CADPS2: variants seen among roughly 807,000 people sequenced by gnomAD.
CADPS2 encodes calcium-dependent secretion activator 2.
Under a neutral mutation model 172.5 loss-of-function variants are expected in CADPS2, and 93 were observed. That is an observed-to-expected ratio of 0.54 (90% CI 0.46 to 0.64). CADPS2 has a LOEUF of 0.64. CADPS2 is among the 30% of genes least tolerant of loss of function. CADPS2 has a pLI of 0.00. For synonymous variants in CADPS2, 546 were observed against 555.2 expected (o/e 0.98, Z 0.23); for missense variants, 1,420 against 1,565.9 (o/e 0.91, Z 1.57).
intron 2 of CADPS2, among the ~76,000 whole-genome samples, chr7:122,688,384 A>G (rs1277168897): frequency 6.6e-6 from 1 of 152,208 alleles, no homozygotes; most frequent in East Asian, 1.9e-4. Context: ...GATCATTGCA[A>G]CAGCCTTCTA....
At chr7:122,721,031 T>C (rs1036253460) in intron 2 of CADPS2, among the ~76,000 whole-genome samples, 5 of 152,062 alleles carry the variant, frequency 3.3e-5, no homozygotes, top group Non-Finnish European at 5.9e-5. Context: ...AATTTCTGTG[T>C]GCATAATATT....
At chr7:122,876,362 A>G (rs1160706185) in intron 1 of CADPS2, among the ~76,000 whole-genome samples, 1 of 152,090 alleles carries the variant, frequency 6.6e-6, no homozygotes, top group Non-Finnish European at 1.5e-5. Context: ...ATCTAATTTT[A>G]TATTTATTTT....
At chr7:122,696,496 TCCA>T (rs1429642395) in intron 2 of CADPS2, among the ~76,000 whole-genome samples, 65 of 2,698 alleles carry the variant, frequency 0.024, no homozygotes, top group African/African-American at 0.032. Context: ...CCTTTAGTCT[TCCA>T]TGACCCCATG....
chr7:122,480,746 G>A (rs1170786780), intron 12 of CADPS2, 106 bp downstream of exon 12: 2 of 713,110 alleles, frequency 2.8e-6, no homozygotes, highest in Non-Finnish European at 4.3e-6. Flanking sequence ...GGTTTGGCTA[G>A]AAAGTAGGGG....
At chr7:122,861,555 ACT>A (rs1563196786) in intron 1 of CADPS2, among the ~76,000 whole-genome samples, 1 of 152,048 alleles carries the variant, frequency 6.6e-6, no homozygotes, top group African/African-American at 2.4e-5. Flanking sequence ...TCTTCTCTTC[ACT>A]CTGTTGTTTC....
intron 2 of CADPS2, among the ~76,000 whole-genome samples, chr7:122,721,700 T>C (rs2090426667): frequency 6.6e-6 from 1 of 152,200 alleles, no homozygotes; most frequent in East Asian, 1.9e-4. Context: ...GAGGCCAACA[T>C]TGTCCTGATA....
At chr7:122,567,138 T>A (rs544031903) in intron 7 of CADPS2, among the ~76,000 whole-genome samples, 15 of 152,240 alleles carry the variant, frequency 9.9e-5, no homozygotes, top group African/African-American at 3.6e-4. Context: ...TAACAGTTAG[T>A]TTTGTTTCTT....
At chr7:122,755,595 T>A (rs1447986735) in intron 1 of CADPS2, among the ~76,000 whole-genome samples, 1 of 151,948 alleles carries the variant, frequency 6.6e-6, no homozygotes, top group Non-Finnish European at 1.5e-5. Context: ...GTACATAAAA[T>A]GAATCCCCAG....
intron 9 of CADPS2, among the ~76,000 whole-genome samples, chr7:122,499,244 A>G (rs73433711): frequency 1.3e-5 from 2 of 152,184 alleles, no homozygotes; most frequent in South Asian, 2.1e-4. Context: ...TAAGTTCTTT[A>G]TAAGATCTCT....
intron 20 of CADPS2, among the ~76,000 whole-genome samples, chr7:122,399,102 T>C (rs2045560402): frequency 6.6e-6 from 1 of 152,154 alleles, no homozygotes; most frequent in African/African-American, 2.4e-5. Flanking sequence ...TATACACCTA[T>C]ACATCTACCT....
intron 1 of CADPS2, among the ~76,000 whole-genome samples, chr7:122,788,643 A>C (rs774400499): frequency 6.6e-5 from 10 of 152,212 alleles, no homozygotes; most frequent in Non-Finnish European, 2.9e-5. Context: ...CATTGTCATA[A>C]GTCAACAATC....
At chr7:122,650,329 G>C (rs2079028180) in intron 3 of CADPS2, among the ~76,000 whole-genome samples, 1 of 152,036 alleles carries the variant, frequency 6.6e-6, no homozygotes, top group Non-Finnish European at 1.5e-5. Flanking sequence ...TATTATGCTT[G>C]AAACAGTACA....
chr7:122,726,633 G>A (rs2091113845), intron 2 of CADPS2, among the ~76,000 whole-genome samples: 1 of 151,918 alleles, frequency 6.6e-6, no homozygotes, highest in Non-Finnish European at 1.5e-5. Context: ...TGACTTAAGA[G>A]TAACATTTGA....
chr7:122,395,897 C>G (rs1211028512), intron 20 of CADPS2, among the ~76,000 whole-genome samples: 2 of 151,852 alleles, frequency 1.3e-5, no homozygotes, highest in Non-Finnish European at 2.9e-5. Flanking sequence ...GCAACCTCTG[C>G]CTCCTGGGTT....
chr7:122,565,881 G>C (rs925248984), intron 7 of CADPS2, among the ~76,000 whole-genome samples: 1 of 152,074 alleles, frequency 6.6e-6, no homozygotes, highest in Non-Finnish European at 1.5e-5. Context: ...AGATTTCTGG[G>C]ACTGATTCAT....
At chr7:122,440,333 G>A (rs2051188146) in intron 16 of CADPS2, 1 of 152,076 alleles carries the variant, frequency 6.6e-6, no homozygotes, top group African/African-American at 2.4e-5. Context: ...TACCCACGAT[G>A]GGATGTTGTT....
At position 122,509,389 on chromosome 7, in the gene CADPS2, C is replaced by T. The variant is rs781293810; in HGVS notation, c.1542+3860G>A. ...TGTCTTGATAGCCTACTGTTGTTTG[C>T]AGAAACTTCAAGTCATGATTCTGAC... On this transcript the variant is annotated intron_variant, in intron 9 of 29. Transcript: ENST00000449022. Among the ~76,000 whole-genome samples, 64 of 152,118 alleles carry T rather than the reference C, an allele frequency of 4.2e-4. 1 individual carries two copies. Among genetic ancestry groups the T allele is most frequent in the Non-Finnish European group, 6.8e-4 (46 of 68,028 alleles).
chr7:122,633,296 T>C (rs1363822360), intron 3 of CADPS2, among the ~76,000 whole-genome samples: 1 of 152,198 alleles, frequency 6.6e-6, no homozygotes. Context: ...TATGATCCGT[T>C]TAATGATACT....
intron 7 of CADPS2, among the ~76,000 whole-genome samples, chr7:122,579,898 T>TA (rs983020319): frequency 8.5e-5 from 13 of 152,050 alleles, no homozygotes; most frequent in Admixed American, 3.9e-4. Context: ...GGAGTGTAGA[T>TA]ACAGACTTAC....
Sources: gnomAD v4.1 joint callset for allele counts (sites outside exome capture counted in the v4.1 genomes callset) on GRCh38, gnomAD v4.1.1 for gene constraint, MANE v1.5 for transcripts, NCBI Gene and HGNC (gene_info 2026-07-23, HGNC 2026-07-21) for gene names.